PAPPA2: variants seen among roughly 807,000 people sequenced by gnomAD.
The protein encoded by PAPPA2 is pappalysin-2.
Under a neutral mutation model 176.4 loss-of-function variants are expected in PAPPA2, and 86 were observed. The observed-to-expected ratio is 0.49, with a 90% confidence interval of 0.41 to 0.58. The LOEUF (loss-of-function observed/expected upper bound fraction) is 0.58. Among genes scored for constraint, PAPPA2 ranks in the 20% least tolerant of loss-of-function variants. The pLI, the probability that PAPPA2 is intolerant of heterozygous loss-of-function variation, is 0.00. For missense variants in PAPPA2, 2,073 were observed against 2,256.9 expected (o/e 0.92, Z 1.65); for synonymous variants, 809 against 852.2 (o/e 0.95, Z 0.88).
chr1:176,816,292 T>C (rs1316084503), intron 21 of PAPPA2, among the ~76,000 whole-genome samples: 2 of 147,372 alleles, frequency 1.4e-5, no homozygotes, highest in East Asian at 4.0e-4. Context: ...ATGCTTCTAC[T>C]GCTAATCTTA....
intron 12 of PAPPA2, among the ~76,000 whole-genome samples, chr1:176,737,689 A>G (rs1662478023): frequency 6.6e-6 from 1 of 152,114 alleles, no homozygotes; most frequent in South Asian, 2.1e-4. Flanking sequence ...AAATCATGGC[A>G]CAGAGACCTT....
At chr1:176,808,316 A>G (rs1665995547) in intron 21 of PAPPA2, among the ~76,000 whole-genome samples, 1 of 152,234 alleles carries the variant, frequency 6.6e-6, no homozygotes, top group South Asian at 2.1e-4. Flanking sequence ...GTGGTCTTCA[A>G]CTGTGCTTTG....
intron 1 of PAPPA2, among the ~76,000 whole-genome samples, chr1:176,551,130 C>T (rs1355329693): frequency 6.6e-6 from 1 of 152,200 alleles, no homozygotes; most frequent in Non-Finnish European, 1.5e-5. Flanking sequence ...GAAGGAATCA[C>T]AAGTTACCCC....
chr1:176,516,514 T>C (rs1172962333), intron 1 of PAPPA2, among the ~76,000 whole-genome samples: 1 of 152,104 alleles, frequency 6.6e-6, no homozygotes, highest in Non-Finnish European at 1.5e-5. Context: ...TATTCAAAGG[T>C]GGGGCCTTTA....
intron 12 of PAPPA2, among the ~76,000 whole-genome samples, chr1:176,731,263 C>G (rs1377719918): frequency 3.3e-5 from 5 of 151,658 alleles, no homozygotes; most frequent in Non-Finnish European, 5.9e-5. Context: ...TTTCTTATAA[C>G]TGACAAAACC....
chr1:176,483,705 G>T (rs560729895), intron 1 of PAPPA2, among the ~76,000 whole-genome samples: 1 of 152,100 alleles, frequency 6.6e-6, no homozygotes, highest in East Asian at 1.9e-4. Context: ...TCCTGACCTT[G>T]TGATCCACCC....
chr1:176,548,559 G>A (rs564143063), intron 1 of PAPPA2, among the ~76,000 whole-genome samples: 55 of 151,478 alleles, frequency 3.6e-4, no homozygotes, highest in African/African-American at 5.6e-4. Context: ...AAATCATGGC[G>A]TGTATTTACA....
chr1:176,516,088 AT>A (rs1337516185), intron 1 of PAPPA2, among the ~76,000 whole-genome samples: 1 of 152,074 alleles, frequency 6.6e-6, no homozygotes, highest in Non-Finnish European at 1.5e-5. Context: ...ACAGGACAAC[AT>A]GTTCTCAAGA....
intron 1 of PAPPA2, among the ~76,000 whole-genome samples, chr1:176,497,150 A>T (rs1647677194): frequency 6.6e-6 from 1 of 152,200 alleles, no homozygotes; most frequent in Non-Finnish European, 1.5e-5. Context: ...TCTAAGTCCC[A>T]GTTAGATTAT....
At chr1:176,767,150 G>A (rs189125907) in intron 15 of PAPPA2, among the ~76,000 whole-genome samples, 1 of 152,308 alleles carries the variant, frequency 6.6e-6, no homozygotes, top group East Asian at 1.9e-4. Context: ...GCAAAGGAAT[G>A]TCCACTCCAG....
At chr1:176,777,909 C>A (rs931111388) in intron 17 of PAPPA2, among the ~76,000 whole-genome samples, 1 of 151,872 alleles carries the variant, frequency 6.6e-6, no homozygotes, top group Admixed American at 6.6e-5. Flanking sequence ...ATAACTGTTG[C>A]TGTTTGAGCT....
At chr1:176,577,007 C>T (rs1001035780) in intron 2 of PAPPA2, among the ~76,000 whole-genome samples, 1 of 152,180 alleles carries the variant, frequency 6.6e-6, no homozygotes, top group African/African-American at 2.4e-5. Flanking sequence ...GCAATTTCAG[C>T]TTGACTTCCA....
chr1:176,764,839 G>T (rs1004009882), intron 14 of PAPPA2, among the ~76,000 whole-genome samples: 1 of 152,106 alleles, frequency 6.6e-6, no homozygotes, highest in South Asian at 2.1e-4. Flanking sequence ...CTCGTGATCC[G>T]CCCGCCTTGG....
intron 1 of PAPPA2, among the ~76,000 whole-genome samples, chr1:176,466,534 A>G (rs968174070): frequency 1.3e-5 from 2 of 152,170 alleles, no homozygotes; most frequent in African/African-American, 4.8e-5. Context: ...ATGGTATGAT[A>G]AAGAGGAACC....
chr1:176,598,593 A>T (rs1162610016), intron 3 of PAPPA2, among the ~76,000 whole-genome samples: 3 of 151,042 alleles, frequency 2.0e-5, no homozygotes, highest in Non-Finnish European at 4.4e-5. Context: ...TTCTTCTTTT[A>T]TTCTTTCTTG....
At chr1:176,499,178 T>G (rs1184940728) in intron 1 of PAPPA2, among the ~76,000 whole-genome samples, 1 of 152,210 alleles carries the variant, frequency 6.6e-6, no homozygotes, top group East Asian at 1.9e-4. Context: ...TGATTTCTAG[T>G]CTATTCCAAT....
chr1:176,467,571 CA>C (rs1164582319), intron 1 of PAPPA2, among the ~76,000 whole-genome samples: 7 of 152,194 alleles, frequency 4.6e-5, no homozygotes, highest in Non-Finnish European at 8.8e-5. Flanking sequence ...TTTGTTGAAT[CA>C]GGGGCAGTGG....
intron 1 of PAPPA2, among the ~76,000 whole-genome samples, chr1:176,498,751 C>CAAAAAAAAAA (rs1553352050): frequency 8.9e-6 from 1 of 112,110 alleles, no homozygotes; most frequent in African/African-American, 3.3e-5. Context: ...CTCTTACCTC[C>CAAAAAAAAAA]AAAAAAAAAA....
chr1:176,663,985 T>G (rs1658488038), intron 3 of PAPPA2, among the ~76,000 whole-genome samples: 1 of 151,952 alleles, frequency 6.6e-6, no homozygotes, highest in South Asian at 2.1e-4. Context: ...AAAACTGGAG[T>G]GGTGAAATAC....
Sources: allele counts gnomAD v4.1 joint callset (sites outside exome capture counted in the v4.1 genomes callset), GRCh38; gene constraint gnomAD v4.1.1; transcripts MANE v1.5; gene names NCBI Gene and HGNC (gene_info 2026-07-23, HGNC 2026-07-21).